Variants in SHANK2 observed in about 807,000 individuals in gnomAD.
SHANK2 encodes SH3 and multiple ankyrin repeat domains 2.
A neutral mutation model predicts 133.7 loss-of-function variants in SHANK2; 43 were observed. That is an observed-to-expected ratio of 0.32 (90% CI 0.25 to 0.41). SHANK2 has a LOEUF of 0.41. Ranked by LOEUF, SHANK2 falls within the 10% of genes least tolerant of loss-of-function variation. SHANK2 has a pLI of 1.00. For missense variants in SHANK2, 1,994 were observed against 2,235.8 expected (o/e 0.89, Z 2.18); for synonymous variants, 1,017 against 952.8 (o/e 1.07, Z -1.24).
intron 9 of SHANK2, among the ~76,000 whole-genome samples, chr11:71,063,424 G>A (rs1045603724): frequency 7.0e-4 from 106 of 152,338 alleles, no homozygotes; most frequent in African/African-American, 2.5e-3. Context: ...TCACACATGT[G>A]TCTGTGTACA....
intron 1 of SHANK2, among the ~76,000 whole-genome samples, chr11:71,230,225 G>A (rs907084903): frequency 6.6e-6 from 1 of 152,198 alleles, no homozygotes; most frequent in Admixed American, 6.5e-5. Flanking sequence ...GGGAAGCAGA[G>A]GTTGCAGTGA....
chr11:71,225,762 G>C (rs1015165980), intron 1 of SHANK2, among the ~76,000 whole-genome samples: 9 of 152,188 alleles, frequency 5.9e-5, no homozygotes, highest in Admixed American at 5.9e-4. Context: ...GCTAGAAACA[G>C]ATGAAATAAC....
chr11:70,906,255 G>A (rs1190363763), intron 10 of SHANK2, among the ~76,000 whole-genome samples: 10 of 152,218 alleles, frequency 6.6e-5, no homozygotes, highest in Admixed American at 3.3e-4. Flanking sequence ...CAGCACATGC[G>A]AATGCTCTTC....
In SHANK2 at chr11:70,524,561, C is replaced by T. The variant is rs114705282; in HGVS notation, c.2062-21630G>A. ...TGACAACACCAGTGGTCCACATGCA[C>T]AGCCCGTCCTCAGGCTACCCCGAGC... On this transcript the variant is annotated intron_variant, in intron 17 of 25. Coordinates refer to ENST00000601538, the MANE Select transcript of SHANK2 (RefSeq NM_012309.5). Among the ~76,000 whole-genome samples, 1,176 of 152,330 alleles carry T rather than the reference C, an allele frequency of 7.7e-3. 11 individuals carry two copies. The highest frequency in any genetic ancestry group is 0.027 in the African/African-American group (1,135 of 41,562).
Position 70,470,672 on chromosome 11 carries a change from T to C in SHANK2, c.*2197A>G, listed in dbSNP as rs538928257. On this transcript the variant is annotated 3_prime_UTR_variant, in exon 26 of 26. Coordinates refer to ENST00000601538, the MANE Select transcript of SHANK2 (RefSeq NM_012309.5). ...ATCCTGTCTTGAAATTTATCTAGAG[T>C]AATGCTCATTCATCTCATGATGGAA... 2 of 152,444 alleles carry C rather than the reference T, an allele frequency of 1.3e-5. No homozygotes were observed. The highest frequency in any genetic ancestry group is 4.8e-5 in the African/African-American group (2 of 41,528). 9.4% of individuals were successfully genotyped at this position (152,444 alleles called of 1,614,324 possible).
At chr11:70,672,082 T>TTTTTTG (rs1944823053) in intron 15 of SHANK2, among the ~76,000 whole-genome samples, 1 of 146,192 alleles carries the variant, frequency 6.8e-6, no homozygotes, top group African/African-American at 2.5e-5. Context: ...TTTTTTTTTT[T>TTTTTTG]AGAGGGAGTC....
intron 17 of SHANK2, among the ~76,000 whole-genome samples, chr11:70,545,236 G>A (rs1260143462): frequency 6.6e-6 from 1 of 152,270 alleles, no homozygotes; most frequent in Admixed American, 6.5e-5. Flanking sequence ...GCTGGCCGGA[G>A]GCAGCGTCGC....
At chr11:70,940,181 T>TCCTC (rs199754863) in intron 10 of SHANK2, among the ~76,000 whole-genome samples, 4,927 of 145,056 alleles carry the variant, frequency 0.034, 394 homozygotes, top group African/African-American at 0.13. Context: ...CTTCCTTCCT[T>TCCTC]CCTTACTTCC....
At chr11:71,133,237 A>AATGGATGGATGG (rs533210236) in intron 3 of SHANK2, among the ~76,000 whole-genome samples, 1,420 of 109,082 alleles carry the variant, frequency 0.013, 29 homozygotes, top group African/African-American at 0.041. Flanking sequence ...TGCACAGATG[A>AATGGATGGATGG]ATGGATGGAT....
intron 2 of SHANK2, among the ~76,000 whole-genome samples, chr11:71,165,183 G>A (rs1410836375): frequency 6.6e-6 from 1 of 151,966 alleles, no homozygotes; most frequent in African/African-American, 2.4e-5. Context: ...ACAGGCATGT[G>A]CCACCACACC....
At chr11:70,773,103 A>T (rs1442915323) in intron 14 of SHANK2, among the ~76,000 whole-genome samples, 1 of 152,126 alleles carries the variant, frequency 6.6e-6, no homozygotes, top group Non-Finnish European at 1.5e-5. Flanking sequence ...AGCTGCCAAG[A>T]GCTGAACCAG....
At chr11:70,761,672 G>A (rs1947000278) in intron 14 of SHANK2, among the ~76,000 whole-genome samples, 1 of 152,236 alleles carries the variant, frequency 6.6e-6, no homozygotes. Flanking sequence ...CTTGCCAGCA[G>A]GCAGGCTCTC....
At chr11:70,785,436 C>T (rs1947627807) in intron 14 of SHANK2, among the ~76,000 whole-genome samples, 2 of 152,226 alleles carry the variant, frequency 1.3e-5, no homozygotes, top group Admixed American at 6.5e-5. Context: ...ACCTAACTCT[C>T]CTCTCTCCAA....
intron 2 of SHANK2, among the ~76,000 whole-genome samples, chr11:71,199,877 C>T (rs1480812801): frequency 6.6e-6 from 1 of 152,180 alleles, no homozygotes; most frequent in Non-Finnish European, 1.5e-5. Flanking sequence ...AAATGCCAGG[C>T]AGGAATCCCC....
intron 15 of SHANK2, among the ~76,000 whole-genome samples, chr11:70,677,237 C>G (rs190246303): frequency 1.4e-3 from 220 of 152,300 alleles, no homozygotes; most frequent in Admixed American, 2.5e-3. Context: ...GGTCCCTCTG[C>G]TAGACCTGAG....
intron 9 of SHANK2, 70 bp from the exon 10 acceptor site, chr11:71,056,628 G>A (rs1950924605): frequency 6.6e-6 from 1 of 152,214 alleles, no homozygotes; most frequent in East Asian, 1.9e-4. Context: ...AATCTGTCCA[G>A]AGTCTCAAGC....
chr11:71,076,139 C>T (rs1951215248), intron 8 of SHANK2, among the ~76,000 whole-genome samples: 4 of 152,216 alleles, frequency 2.6e-5, no homozygotes, highest in African/African-American at 4.8e-5. Flanking sequence ...GGGAGGTCCC[C>T]GCACAGGTGA....
At chr11:70,617,875 T>TA (rs1554996567) in intron 17 of SHANK2, among the ~76,000 whole-genome samples, 6 of 152,038 alleles carry the variant, frequency 3.9e-5, no homozygotes. Flanking sequence ...CATTGGGAGA[T>TA]ATACCTAATG....
At chr11:70,747,901 A>G (rs567412) in intron 14 of SHANK2, among the ~76,000 whole-genome samples, 90,124 of 152,162 alleles carry the variant, frequency 0.59, 28,000 homozygotes, top group African/African-American at 0.8. Context: ...TAGCACACAC[A>G]TGAGCATACG....
Sources: gnomAD v4.1 joint callset for allele counts (sites outside exome capture counted in the v4.1 genomes callset) on GRCh38, gnomAD v4.1.1 for gene constraint, MANE v1.5 for transcripts, NCBI Gene and HGNC (gene_info 2026-07-23, HGNC 2026-07-21) for gene names.